CALN1: variants seen among roughly 807,000 people sequenced by gnomAD.
CALN1 encodes calcium-binding protein 8.
A neutral mutation model predicts 30.6 loss-of-function variants in CALN1; 17 were observed. The ratio of observed to expected loss-of-function variants is 0.56; its 90% CI spans 0.38 to 0.83. The LOEUF is 0.83. Ranked by LOEUF, CALN1 falls within the 40% of genes least tolerant of loss-of-function variation. CALN1 has a pLI of 0.00. For missense variants in CALN1, 291 were observed against 354.9 expected (o/e 0.82, Z 1.45); for synonymous variants, 156 against 131.4 (o/e 1.19, Z -1.28).
At chr7:72,162,797 A>G (rs10250302) in intron 3 of CALN1, among the ~76,000 whole-genome samples, 12,958 of 152,250 alleles carry the variant, frequency 0.085, 958 homozygotes, top group African/African-American at 0.2. Flanking sequence ...TTTCTTCTGA[A>G]GATACTCCTC....
intron 2 of CALN1, among the ~76,000 whole-genome samples, chr7:72,307,448 G>C (rs1799730289): frequency 6.6e-6 from 1 of 152,168 alleles, no homozygotes; most frequent in South Asian, 2.1e-4. Flanking sequence ...CCGCAAGAGA[G>C]GTCAGTTCAT....
chr7:72,280,314 C>T (rs1418103458), intron 2 of CALN1, among the ~76,000 whole-genome samples: 1 of 152,206 alleles, frequency 6.6e-6, no homozygotes, highest in Non-Finnish European at 1.5e-5. Flanking sequence ...TGTCAGCTTG[C>T]AACCCATCCC....
At chr7:71,847,611 G>T (rs1790343773) in intron 5 of CALN1, among the ~76,000 whole-genome samples, 2 of 151,742 alleles carry the variant, frequency 1.3e-5, no homozygotes, top group African/African-American at 2.4e-5. Context: ...GAACCCAGGG[G>T]GCAGAGGTTG....
intron 2 of CALN1, among the ~76,000 whole-genome samples, chr7:72,300,987 C>T (rs375167045): frequency 6.6e-6 from 1 of 151,890 alleles, no homozygotes; most frequent in Admixed American, 6.6e-5. Context: ...GAGTGAGACT[C>T]TGTCTCAAAT....
chr7:72,240,106 G>A (rs1794732597), intron 3 of CALN1, among the ~76,000 whole-genome samples: 1 of 152,034 alleles, frequency 6.6e-6, no homozygotes, highest in Non-Finnish European at 1.5e-5. Flanking sequence ...ATGTTTTGAA[G>A]AGAGACTCCA....
intron 5 of CALN1, among the ~76,000 whole-genome samples, chr7:71,923,846 C>T (rs1159968726): frequency 6.6e-6 from 1 of 152,074 alleles, no homozygotes; most frequent in Non-Finnish European, 1.5e-5. Flanking sequence ...AAAATGTCAC[C>T]CATGTTAGCA....
intron 2 of CALN1, among the ~76,000 whole-genome samples, chr7:72,324,215 A>G (rs1416941738): frequency 1.3e-5 from 2 of 152,102 alleles, no homozygotes; most frequent in African/African-American, 2.4e-5. Flanking sequence ...GCCTCCCCAG[A>G]GAATTTTAAT....
At chr7:72,184,446 T>G (rs566300829) in intron 3 of CALN1, among the ~76,000 whole-genome samples, 1 of 152,356 alleles carries the variant, frequency 6.6e-6, no homozygotes, top group Non-Finnish European at 1.5e-5. Context: ...GTTCATATTT[T>G]TATGTGTATA....
At chr7:71,925,426 A>AT (rs1230458778) in intron 5 of CALN1, among the ~76,000 whole-genome samples, 1 of 149,732 alleles carries the variant, frequency 6.7e-6, no homozygotes, top group African/African-American at 2.4e-5. Context: ...GTCCTTCACT[A>AT]TTTTTTATAG....
intron 4 of CALN1, among the ~76,000 whole-genome samples, chr7:72,026,977 G>T (rs1304808441): frequency 1.3e-5 from 2 of 152,162 alleles, no homozygotes; most frequent in African/African-American, 4.8e-5. Context: ...ACTAGTCACA[G>T]GTGGGGCTGG....
intron 2 of CALN1, among the ~76,000 whole-genome samples, chr7:72,339,757 G>A (rs1270868377): frequency 6.6e-6 from 1 of 152,186 alleles, no homozygotes; most frequent in East Asian, 1.9e-4. Context: ...GCAAGCAAGA[G>A]AGCTTGTGCA....
intron 3 of CALN1, among the ~76,000 whole-genome samples, chr7:72,233,045 C>G (rs576545808): frequency 1.3e-5 from 2 of 152,028 alleles, no homozygotes; most frequent in East Asian, 3.9e-4. Flanking sequence ...TTTTATTGCA[C>G]CTGTTTAAAA....
intron 5 of CALN1, among the ~76,000 whole-genome samples, chr7:71,983,799 T>C (rs1405525538): frequency 6.6e-6 from 1 of 152,228 alleles, no homozygotes; most frequent in Admixed American, 6.5e-5. Context: ...CCCAAAGTGC[T>C]GGGATTACAG....
At chr7:72,317,481 C>G (rs1447390509) in intron 2 of CALN1, among the ~76,000 whole-genome samples, 1 of 152,136 alleles carries the variant, frequency 6.6e-6, no homozygotes, top group Non-Finnish European at 1.5e-5. Flanking sequence ...CACAACTGTT[C>G]CCACAACTCT....
At chr7:71,847,503 C>A (rs1327679593) in intron 5 of CALN1, among the ~76,000 whole-genome samples, 1 of 150,892 alleles carries the variant, frequency 6.6e-6, no homozygotes, top group African/African-American at 2.4e-5. Context: ...AAAACCAAAA[C>A]CAAAACCAAA....
chr7:72,199,327 C>T (rs546447067), intron 3 of CALN1, among the ~76,000 whole-genome samples: 8 of 152,264 alleles, frequency 5.3e-5, no homozygotes, highest in African/African-American at 1.9e-4. Flanking sequence ...CCCACTCTCC[C>T]AGTTTCCCAT....
At chr7:72,402,628 AAAAG>A (rs1661821516) in intron 2 of CALN1, among the ~76,000 whole-genome samples, 1 of 152,206 alleles carries the variant, frequency 6.6e-6, no homozygotes, top group Admixed American at 6.5e-5. Context: ...GTCTCCGAGG[AAAAG>A]AAAAAAGAGC....
At chr7:72,097,708 TTTTC>T (rs1563055209) in intron 4 of CALN1, among the ~76,000 whole-genome samples, 3 of 152,036 alleles carry the variant, frequency 2.0e-5, no homozygotes, top group Non-Finnish European at 2.9e-5. Context: ...GACTATTTTT[TTTTC>T]TTTTATATAT....
chr7:72,073,989 C>T (rs1804569327), intron 4 of CALN1, among the ~76,000 whole-genome samples: 1 of 152,186 alleles, frequency 6.6e-6, no homozygotes, highest in East Asian at 1.9e-4. Flanking sequence ...GCCACCATGC[C>T]TGGCCTGGTC....
Sources: allele counts gnomAD v4.1 joint callset (sites outside exome capture counted in the v4.1 genomes callset), GRCh38; gene constraint gnomAD v4.1.1; transcripts MANE v1.5; gene names NCBI Gene and HGNC (gene_info 2026-07-23, HGNC 2026-07-21).